Variants in ARHGAP35 observed in about 807,000 individuals in gnomAD.
ARHGAP35 encodes Rho GTPase activating protein 35.
Under a neutral mutation model 111.1 loss-of-function variants are expected in ARHGAP35, and 15 were observed. That is an observed-to-expected ratio of 0.13 (90% CI 0.09 to 0.21). The LOEUF (loss-of-function observed/expected upper bound fraction) is 0.21. ARHGAP35 is among the 10% of genes least tolerant of loss of function. The pLI, the probability that ARHGAP35 is intolerant of heterozygous loss-of-function variation, is 1.00. For synonymous variants in ARHGAP35, 643 were observed against 710.3 expected (o/e 0.91, Z 1.51); for missense variants, 1,262 against 1,873.0 (o/e 0.67, Z 6.02).
In ARHGAP35 at chr19:46,922,001, A is replaced by G. The variant is rs2056204436; in HGVS notation, c.3326A>G (p.His1109Arg). The G allele has an allele frequency of 6.2e-7, 1 of 1,613,916 alleles. No homozygotes were observed. Among genetic ancestry groups the G allele is most frequent in the Non-Finnish European group, 8.5e-7 (1 of 1,179,914 alleles). Residue 1109 changes from histidine to arginine, a missense_variant, in exon 2 of 7, where the codon CAT (histidine) becomes CGT (arginine). By Grantham distance (29) the His-to-Arg change is conservative. Transcript: ENST00000672722. This position sits in a 1 kb window ranked among gnomAD's most constrained non-coding sequence, Gnocchi z 4.0. ...GAAGAAAACATATACTCCGTGCCCC[A>G]TGACAGCACCCAAGGCAAAATCATC... is the stretch of plus-strand genomic sequence containing the variant. ...NEEENIYSVP[H>R]DSTQGKIITI...
intron 3 of ARHGAP35, among the ~76,000 whole-genome samples, chr19:46,964,887 C>G (rs1273683577): frequency 1.3e-5 from 2 of 152,188 alleles, no homozygotes; most frequent in South Asian, 4.1e-4. Context: ...GTAGCCTGTC[C>G]AAATACAGAG....
intron 3 of ARHGAP35, among the ~76,000 whole-genome samples, chr19:46,972,065 A>G (rs2056553074): frequency 6.6e-6 from 1 of 152,248 alleles, no homozygotes; most frequent in Non-Finnish European, 1.5e-5. Flanking sequence ...GCTGGAGTGC[A>G]GTGGCACAAT....
chr19:46,988,263 AC>A lies in ARHGAP35; in HGVS notation c.3904+199del. 2 of 566,800 alleles carry A rather than the reference AC, an allele frequency of 3.5e-6. No homozygotes were observed. The highest frequency in any genetic ancestry group is 3.2e-6 in the Non-Finnish European group (1 of 315,430). 35.1% of individuals were successfully genotyped at this position (566,800 alleles called of 1,614,324 possible). On this transcript the variant is annotated intron_variant, in intron 4 of 6. Transcript: ENST00000672722. This position sits in a 1 kb window ranked among gnomAD's most constrained non-coding sequence, Gnocchi z 5.4. Reference sequence around the variant, plus strand: ...CCGGGTCCTGTCAGTGAACCGAAGCACCATCCCTGCCCAAGCTGGGTCATGT... The same window carrying A: ...CCGGGTCCTGTCAGTGAACCGAAGCACATCCCTGCCCAAGCTGGGTCATGT...
chr19:46,976,094 C>T (rs2056578067), intron 3 of ARHGAP35, among the ~76,000 whole-genome samples: 1 of 152,054 alleles, frequency 6.6e-6, no homozygotes, highest in South Asian at 2.1e-4. Flanking sequence ...GTTTCATATG[C>T]TGTGATTTTT....
At chr19:46,987,942 T>C in intron 3 of ARHGAP35, 47 bp from the exon 4 acceptor site, 1 of 1,591,362 alleles carries the variant, frequency 6.3e-7, no homozygotes. Flanking sequence ...CTCCTCATTC[T>C]CTGCTCTCCA....
At chr19:46,872,362 A>G (rs1396775380) in intron 1 of ARHGAP35, among the ~76,000 whole-genome samples, 1 of 151,604 alleles carries the variant, frequency 6.6e-6, no homozygotes, top group African/African-American at 2.4e-5. Context: ...TTTTTTTTTA[A>G]TTTTCCCAAG....
chr19:46,989,020 T>C lies in ARHGAP35; in HGVS notation c.3905-524T>C, dbSNP rs987876903. On this transcript the variant is annotated intron_variant, in intron 4 of 6. Coordinates refer to ENST00000672722, the MANE Select transcript of ARHGAP35 (RefSeq NM_004491.5). The surrounding 1 kb of genome is among the most constrained non-coding windows in gnomAD (Gnocchi z 5.3). Reference sequence around the variant, plus strand: ...GGAACGCACTGAAGTATGTATGCAATGAGAAGGAAAGCATGACATGGGTCA... The same window carrying C: ...GGAACGCACTGAAGTATGTATGCAACGAGAAGGAAAGCATGACATGGGTCA... 4 of 161,392 alleles carry C rather than the reference T, an allele frequency of 2.5e-5. No homozygotes were observed. Among genetic ancestry groups the C allele is most frequent in the African/African-American group, 9.6e-5 (4 of 41,668 alleles). 10.0% of individuals were successfully genotyped at this position (161,392 alleles called of 1,614,324 possible).
intron 1 of ARHGAP35, among the ~76,000 whole-genome samples, chr19:46,905,554 C>A (rs74625916): frequency 7.1e-6 from 1 of 140,392 alleles, no homozygotes; most frequent in African/African-American, 2.7e-5. Flanking sequence ...TTTTGTATTC[C>A]ACCCCCCCCC....
intron 1 of ARHGAP35, among the ~76,000 whole-genome samples, chr19:46,862,247 C>A (rs1332187161): frequency 6.6e-6 from 1 of 152,112 alleles, no homozygotes; most frequent in Non-Finnish European, 1.5e-5. Context: ...TTCTGCTATT[C>A]ACTTAAATGA....
intron 3 of ARHGAP35, among the ~76,000 whole-genome samples, chr19:46,977,106 C>T (rs535538436): frequency 2.6e-5 from 4 of 152,316 alleles, no homozygotes; most frequent in Admixed American, 6.5e-5. Flanking sequence ...TGATAAAAGG[C>T]GACAGAGCAG....
Position 46,874,387 on chromosome 19 carries a change from A to T in ARHGAP35, c.-189+13178A>T, listed in dbSNP as rs527753520. ...TTACTTGATCTTATCTTAAAGAATT[A>T]TGTGTGACTAAGCATTTCAATGCAA... On this transcript the variant is annotated intron_variant, in intron 1 of 6. Coordinates refer to ENST00000672722, the MANE Select transcript of ARHGAP35 (RefSeq NM_004491.5). 2.0e-5 allele frequency among the ~76,000 whole-genome samples: 3 copies of T among 152,180 alleles called. No individual in the cohort carries two copies. The East Asian group carries it at 5.8e-4, about 29-fold the overall frequency.
rs533815800 is a variant in ARHGAP35 at position 46,886,390 on chromosome 19, G to GT, written c.-189+25191dup. On this transcript the variant is annotated intron_variant, in intron 1 of 6. Transcript: ENST00000672722. ...ATCTAGACTATGCTCCGTAAGGGAG[G>GT]TTTTTTTTTTCTTTTCTTTTTTTCC... Among the ~76,000 whole-genome samples, 366 of 149,208 alleles carry GT rather than the reference G, an allele frequency of 2.5e-3. 2 individuals are homozygous for GT. Among genetic ancestry groups the GT allele is most frequent in the African/African-American group, 6.4e-3 (260 of 40,708 alleles).
At chr19:46,892,926 C>G (rs573044813) in intron 1 of ARHGAP35, among the ~76,000 whole-genome samples, 8 of 152,188 alleles carry the variant, frequency 5.3e-5, no homozygotes, top group African/African-American at 1.9e-4. Flanking sequence ...GTCCAGTTCT[C>G]CATGCATCAG....
At chr19:46,976,907 A>G (rs549074032) in intron 3 of ARHGAP35, among the ~76,000 whole-genome samples, 1 of 152,280 alleles carries the variant, frequency 6.6e-6, no homozygotes, top group East Asian at 1.9e-4. Flanking sequence ...TGCCTTGCTC[A>G]TGAGGTTTCA....
intron 1 of ARHGAP35, among the ~76,000 whole-genome samples, chr19:46,902,606 T>G (rs761643843): frequency 1.3e-5 from 2 of 152,156 alleles, no homozygotes; most frequent in Non-Finnish European, 2.9e-5. Flanking sequence ...GGCTTTTAGC[T>G]CTCATGATTC....
At chr19:46,990,574 C>T (rs2056674531) in intron 5 of ARHGAP35, among the ~76,000 whole-genome samples, 2 of 152,194 alleles carry the variant, frequency 1.3e-5, no homozygotes, top group South Asian at 4.1e-4. Flanking sequence ...ACCTGTGATC[C>T]AGCAACCAGA....
intron 3 of ARHGAP35, among the ~76,000 whole-genome samples, chr19:46,944,448 G>A (rs138319401): frequency 2.5e-3 from 374 of 152,210 alleles, no homozygotes; most frequent in African/African-American, 8.8e-3. Context: ...GCTAATGCTA[G>A]TCCCCCAAAA....
chr19:46,966,544 G>A (rs1217700794), intron 3 of ARHGAP35, among the ~76,000 whole-genome samples: 1 of 152,124 alleles, frequency 6.6e-6, no homozygotes, highest in Non-Finnish European at 1.5e-5. Context: ...GCAAGACCCT[G>A]TCCCCCACCC....
chr19:46,876,530 G>A (rs972459403), intron 1 of ARHGAP35, among the ~76,000 whole-genome samples: 4 of 151,296 alleles, frequency 2.6e-5, no homozygotes, highest in East Asian at 1.9e-4. Flanking sequence ...CCACCACCAC[G>A]CCCGGCTAAT....
Sources: allele counts gnomAD v4.1 joint callset (sites outside exome capture counted in the v4.1 genomes callset), GRCh38; gene constraint gnomAD v4.1.1; non-coding constraint Gnocchi (gnomAD v3.1); transcripts MANE v1.5; gene names NCBI Gene and HGNC (gene_info 2026-07-23, HGNC 2026-07-21).